The following NCALD variants were observed in gnomAD, a reference collection of about 807,000 sequenced individuals.
The protein encoded by NCALD is neurocalcin delta.
Under a neutral mutation model 18.6 loss-of-function variants are expected in NCALD, and 10 were observed. The observed-to-expected ratio is 0.54, with a 90% confidence interval of 0.33 to 0.91. The LOEUF (loss-of-function observed/expected upper bound fraction) is 0.91, where lower values mean the gene tolerates loss of function less well. Ranked by LOEUF, NCALD falls within the 40% of genes least tolerant of loss-of-function variation. The probability of loss-of-function intolerance (pLI) is 0.03; values close to 1 mark genes in which losing one functional copy is unlikely to be tolerated. For synonymous variants in NCALD, 88 were observed against 87.4 expected, an observed-to-expected ratio of 1.01 and a Z score of -0.04; for missense variants, 184 against 247.6, an observed-to-expected ratio of 0.74 and a Z score of 1.72.
chr8:101,893,148 G>C (rs1267485279), intron 3 of NCALD, among the ~76,000 whole-genome samples: 2 of 151,876 alleles, frequency 1.3e-5, no homozygotes, highest in East Asian at 3.8e-4. Flanking sequence ...AAGCCCATCA[G>C]ACTAACAGCG....
intron 4 of NCALD, among the ~76,000 whole-genome samples, chr8:101,833,617 T>G (rs949076060): frequency 1.4e-5 from 2 of 145,844 alleles, no homozygotes; most frequent in East Asian, 1.9e-4. Flanking sequence ...CTTGTTTTTT[T>G]TTTTTTTTTT....
At chr8:101,956,715 C>T (rs77351074) in intron 2 of NCALD, among the ~76,000 whole-genome samples, 9,881 of 151,878 alleles carry the variant, frequency 0.065, 841 homozygotes, top group African/African-American at 0.19. Flanking sequence ...ATTATATGTA[C>T]AACAAGGTAA....
chr8:101,984,852 AC>A (rs1820745692), intron 2 of NCALD, among the ~76,000 whole-genome samples: 6 of 152,174 alleles, frequency 3.9e-5, no homozygotes, highest in African/African-American at 7.2e-5. Flanking sequence ...CCCAGGGGGT[AC>A]CCACCATCAC....
chr8:101,891,380 G>C (rs973813658), intron 3 of NCALD, among the ~76,000 whole-genome samples: 1 of 152,132 alleles, frequency 6.6e-6, no homozygotes, highest in South Asian at 2.1e-4. Flanking sequence ...TGTGACATTT[G>C]GATATTTTTC....
intron 2 of NCALD, among the ~76,000 whole-genome samples, chr8:101,961,642 C>A (rs1246601392): frequency 2.0e-5 from 3 of 152,132 alleles, no homozygotes; most frequent in Admixed American, 2.0e-4. Context: ...GTTGTCCAGG[C>A]TGGTCTTGAA....
chr8:102,084,465 A>G (rs994274247), intron 1 of NCALD, among the ~76,000 whole-genome samples: 1 of 152,228 alleles, frequency 6.6e-6, no homozygotes, highest in Admixed American at 6.5e-5. Context: ...GGGCGACTTG[A>G]GAGAGTCAAA....
intron 2 of NCALD, among the ~76,000 whole-genome samples, chr8:101,969,100 A>G (rs1316754832): frequency 6.6e-6 from 1 of 152,204 alleles, no homozygotes; most frequent in Non-Finnish European, 1.5e-5. Context: ...GAAAGCCCCC[A>G]GGGCTGAGCC....
chr8:102,033,125 G>A (rs1453138249), intron 1 of NCALD, among the ~76,000 whole-genome samples: 1 of 152,028 alleles, frequency 6.6e-6, no homozygotes, highest in Non-Finnish European at 1.5e-5. Flanking sequence ...ATTTACCATT[G>A]TGGCACCCCT....
intron 2 of NCALD, among the ~76,000 whole-genome samples, chr8:101,957,216 A>AT (rs577129002): frequency 1.1e-3 from 166 of 152,126 alleles, no homozygotes; most frequent in African/African-American, 3.8e-3. Flanking sequence ...TAATGTTAGC[A>AT]TAACAAGTAA....
At chr8:102,005,169 C>G in intron 2 of NCALD, among the ~76,000 whole-genome samples, 1 of 151,994 alleles carries the variant, frequency 6.6e-6, no homozygotes. Flanking sequence ...ACAATGAACT[C>G]AAACAAATTT....
intron 4 of NCALD, among the ~76,000 whole-genome samples, chr8:101,803,987 T>A (rs1812964321): frequency 6.6e-6 from 1 of 152,080 alleles, no homozygotes; most frequent in Non-Finnish European, 1.5e-5. Context: ...AACTTCACTG[T>A]TGTCTTATTT....
chr8:101,869,077 G>A (rs1275396080), intron 4 of NCALD, among the ~76,000 whole-genome samples: 1 of 152,214 alleles, frequency 6.6e-6, no homozygotes, highest in African/African-American at 2.4e-5. Flanking sequence ...AAAGGATGGA[G>A]CTGTAACAAT....
chr8:101,789,239 T>C (rs909776549), intron 1 of NCALD, among the ~76,000 whole-genome samples: 11 of 152,156 alleles, frequency 7.2e-5, no homozygotes, highest in African/African-American at 2.2e-4. Flanking sequence ...AACTGAAATG[T>C]TACATATAAA....
chr8:101,889,221 C>T (rs910515098), intron 3 of NCALD, among the ~76,000 whole-genome samples: 2 of 152,186 alleles, frequency 1.3e-5, no homozygotes, highest in South Asian at 2.1e-4. Context: ...ATGCTGTGAA[C>T]GAAGCCTAAG....
At chr8:101,751,718 C>A (rs1810668217) in intron 1 of NCALD, among the ~76,000 whole-genome samples, 3 of 152,112 alleles carry the variant, frequency 2.0e-5, no homozygotes, top group African/African-American at 7.2e-5. Context: ...CAAGACCTGG[C>A]AAAGAGCACT....
intron 2 of NCALD, among the ~76,000 whole-genome samples, chr8:102,012,074 G>T (rs1045711513): frequency 1.3e-5 from 2 of 152,146 alleles, no homozygotes; most frequent in African/African-American, 4.8e-5. Context: ...ATGGGACATT[G>T]CCCCGAAGGA....
chr8:102,085,958 C>A (rs1486041716), intron 1 of NCALD, among the ~76,000 whole-genome samples: 1 of 152,070 alleles, frequency 6.6e-6, no homozygotes, highest in Admixed American at 6.5e-5. Context: ...TTCCTATTTT[C>A]TTTGTCCTTA....
chr8:101,858,942 TCAA>T (rs1183871815), intron 4 of NCALD, among the ~76,000 whole-genome samples: 1 of 152,132 alleles, frequency 6.6e-6, no homozygotes, highest in Non-Finnish European at 1.5e-5. Flanking sequence ...AGAAAAAAAT[TCAA>T]CAATTGTGAT....
chr8:101,692,628 G>A, intron 3 of NCALD, 163 bp downstream of exon 3: 1 of 974,776 alleles, frequency 1.0e-6, no homozygotes, highest in Non-Finnish European at 1.2e-6. Context: ...TCTGGGCTCA[G>A]CTCTCCTGTG....
Sources: gnomAD v4.1 joint callset for allele counts (sites outside exome capture counted in the v4.1 genomes callset) on GRCh38, gnomAD v4.1.1 for gene constraint, MANE v1.5 for transcripts, NCBI Gene and HGNC (gene_info 2026-07-23, HGNC 2026-07-21) for gene names.